Variants in SRFBP1 observed in about 807,000 individuals in gnomAD.
SRFBP1 encodes the protein serum response factor binding protein 1, also known as serum response factor-binding protein 1.
In SRFBP1, 47 loss-of-function variants were observed where a neutral mutation model predicts 45.5. The observed-to-expected ratio is 1.03, with a 90% CI of 0.82 to 1.32. SRFBP1 has a LOEUF of 1.32. SRFBP1 is among the 40% of genes most tolerant of loss of function. SRFBP1 has a pLI of 0.00. For missense variants in SRFBP1, 621 were observed against 484.6 expected (o/e 1.28, Z -2.64); for synonymous variants, 203 against 166.3 (o/e 1.22, Z -1.70).
chr5:122,001,834 T>A (rs1328439037), intron 4 of SRFBP1, among the ~76,000 whole-genome samples: 1 of 152,280 alleles, frequency 6.6e-6, no homozygotes, highest in East Asian at 1.9e-4. Context: ...GTGCTGGGAT[T>A]ACAGGCGTGA....
Position 122,020,488 on chromosome 5 carries a change from A to G in SRFBP1, c.753A>G (p.Glu251=), listed in dbSNP as rs375260859. Residue 251 remains glutamate (E), a synonymous_variant, in exon 6 of 8, where the codon GAA becomes GAG. Transcript: ENST00000339397. ...TCTCTGGTAACAGTGATGGCGGAGA[A>G]GAATTTTGTGAAGAGGAGAAGGAAT... ...SSLSGNSDGG[E]EFCEEEKEYF... 4.6e-5 allele frequency: 74 copies of G among 1,614,050 alleles called. No homozygotes were observed. The highest frequency in any genetic ancestry group is 5.8e-5 in the Non-Finnish European group (69 of 1,180,002).
At chr5:122,043,183 A>G (rs753390050) in intron 2 of SRFBP1, among the ~76,000 whole-genome samples, 3 of 151,952 alleles carry the variant, frequency 2.0e-5, no homozygotes, top group African/African-American at 4.8e-5. Flanking sequence ...TTCTGTTACT[A>G]TGAAAATATC....
At chr5:122,044,530 T>C (rs1406264601) in intron 2 of SRFBP1, among the ~76,000 whole-genome samples, 3 of 152,152 alleles carry the variant, frequency 2.0e-5, no homozygotes, top group African/African-American at 7.2e-5. Context: ...TTTTTTTTAC[T>C]TTTTAATAAT....
In SRFBP1 at chr5:122,052,908, G is replaced by T. The variant is rs896362957; in HGVS notation, n.312-22407G>T. On this transcript the variant is annotated intron_variant and non_coding_transcript_variant, in intron 2 of 2. Transcript: ENST00000504881. ...TCTTTGAAGCTGCTGTCCTTTCGAT[G>T]GATTTTTTTGCTTTTTTTTTTCTTT... Among the ~76,000 whole-genome samples, 7 of 151,974 alleles carry T rather than the reference G, an allele frequency of 4.6e-5. No homozygotes were observed. The South Asian group carries it at 1.5e-3, about 32-fold the overall frequency.
chr5:122,056,575 C>T (rs146561232), intron 2 of SRFBP1, among the ~76,000 whole-genome samples: 3 of 152,090 alleles, frequency 2.0e-5, no homozygotes, highest in Non-Finnish European at 2.9e-5. Context: ...GAACCTGGAG[C>T]TATTTATTGC....
downstream of SRFBP1, among the ~76,000 whole-genome samples, chr5:122,030,598 CTT>C (rs79532611): frequency 2.2e-4 from 30 of 138,556 alleles, no homozygotes; most frequent in Non-Finnish European, 9.5e-5. Context: ...CAATTAGAGG[CTT>C]TTTTTTTTTT....
chr5:121,990,626 G>T (rs1226309337), intron 3 of SRFBP1, among the ~76,000 whole-genome samples: 1 of 152,298 alleles, frequency 6.6e-6, no homozygotes, highest in East Asian at 1.9e-4. Flanking sequence ...CTCTGGTCCA[G>T]TTCTGTTCAA....
At chr5:122,063,724 A>G (rs1387669550) in intron 2 of SRFBP1, 1 of 152,102 alleles carries the variant, frequency 6.6e-6, no homozygotes, top group East Asian at 1.9e-4. Flanking sequence ...AAAACAAAAT[A>G]TCTCCTTACC....
At chr5:122,000,380 GT>G (rs1752837917) in intron 4 of SRFBP1, among the ~76,000 whole-genome samples, 1 of 151,946 alleles carries the variant, frequency 6.6e-6, no homozygotes. Flanking sequence ...CACTTATTCA[GT>G]TTTGATTGCT....
At chr5:122,013,004 C>T (rs1753124785) in intron 4 of SRFBP1, among the ~76,000 whole-genome samples, 1 of 152,072 alleles carries the variant, frequency 6.6e-6, no homozygotes, top group Admixed American at 6.6e-5. Flanking sequence ...AGTCAGGTTA[C>T]TTACCACCTC....
intron 4 of SRFBP1, among the ~76,000 whole-genome samples, 162 bp from the exon 5 acceptor site, chr5:122,019,098 T>C (rs1753242712): frequency 6.6e-6 from 1 of 152,164 alleles, no homozygotes; most frequent in Non-Finnish European, 1.5e-5. Context: ...TCTTTGTCTT[T>C]AGCATGGATT....
intron 2 of SRFBP1, among the ~76,000 whole-genome samples, chr5:122,061,133 G>A (rs1754162828): frequency 6.6e-6 from 1 of 150,494 alleles, no homozygotes; most frequent in Non-Finnish European, 1.5e-5. Flanking sequence ...GGTAGTATTG[G>A]CTCCAAATTG....
intron 4 of SRFBP1, 131 bp from the exon 5 acceptor site, chr5:122,019,128 CT>C: frequency 1.4e-6 from 1 of 731,030 alleles, no homozygotes; most frequent in Admixed American, 2.9e-5. Flanking sequence ...GATATCTTAT[CT>C]AAGGAGAATA....
intron 2 of SRFBP1, among the ~76,000 whole-genome samples, chr5:122,049,317 A>G (rs1753925095): frequency 6.6e-6 from 1 of 152,210 alleles, no homozygotes; most frequent in Admixed American, 6.5e-5. Flanking sequence ...ATTCAACAAG[A>G]AGAGCTAAGT....
At chr5:122,042,150 T>C (rs974029060) in intron 2 of SRFBP1, among the ~76,000 whole-genome samples, 3 of 152,210 alleles carry the variant, frequency 2.0e-5, no homozygotes, top group African/African-American at 7.2e-5. Flanking sequence ...CTGTATTAAG[T>C]TATCTGTTTC....
At chr5:121,968,025 G>A (rs372644253) in intron 1 of SRFBP1, among the ~76,000 whole-genome samples, 1 of 152,080 alleles carries the variant, frequency 6.6e-6, no homozygotes, top group South Asian at 2.1e-4. Context: ...CTCTTGGTGT[G>A]TGTTTTTCTC....
rs138248034 is a variant in SRFBP1 at position 122,035,925 on chromosome 5, C to G, written n.311+13518C>G. 4.3e-4 allele frequency among the ~76,000 whole-genome samples: 66 copies of G among 152,268 alleles called. 1 individual carries two copies. Among genetic ancestry groups the G allele is most frequent in the African/African-American group, 1.6e-3 (66 of 41,570 alleles). ...AGCAAGCTTGAGGAATGAGTAACAT[C>G]TCCTCCAGGACAAAAATCAGTCAAG... On this transcript the variant is annotated intron_variant and non_coding_transcript_variant, in intron 2 of 2. Coordinates refer to the SRFBP1 transcript ENST00000504881.
intron 3 of SRFBP1, among the ~76,000 whole-genome samples, chr5:121,987,703 T>G (rs1376005920): frequency 6.6e-6 from 1 of 152,174 alleles, no homozygotes; most frequent in Non-Finnish European, 1.5e-5. Context: ...TGATCACACT[T>G]TGGAAAATAC....
chr5:122,048,830 C>T (rs896092768), intron 2 of SRFBP1, among the ~76,000 whole-genome samples: 24 of 152,180 alleles, frequency 1.6e-4, no homozygotes, highest in South Asian at 2.1e-4. Flanking sequence ...AGTTTATTTG[C>T]GTAGAGGTGT....
Sources: gnomAD v4.1 joint callset for allele counts (sites outside exome capture counted in the v4.1 genomes callset) on GRCh38, gnomAD v4.1.1 for gene constraint, MANE v1.5 for transcripts, NCBI Gene and HGNC (gene_info 2026-07-23, HGNC 2026-07-21) for gene names.